WDR70: variants seen among roughly 807,000 people sequenced by gnomAD.
WDR70 encodes the protein WD repeat domain 70, also known as WD repeat-containing protein 70.
A neutral mutation model predicts 88.6 loss-of-function variants in WDR70; 53 were observed. The ratio of observed to expected loss-of-function variants is 0.60; its 90% CI spans 0.48 to 0.75. WDR70 has a LOEUF of 0.75. WDR70 is among the 30% of genes least tolerant of loss of function. The probability of loss-of-function intolerance (pLI) is 0.00; values close to 1 mark genes in which losing one functional copy is unlikely to be tolerated. For synonymous variants in WDR70, 280 were observed against 270.0 expected, an observed-to-expected ratio of 1.04 and a Z score of -0.36; for missense variants, 610 against 823.2, an observed-to-expected ratio of 0.74 and a Z score of 3.17.
chr5:37,665,001 C>T (rs761362973), intron 10 of WDR70, among the ~76,000 whole-genome samples: 20 of 152,162 alleles, frequency 1.3e-4, no homozygotes, highest in Admixed American at 5.9e-4. Flanking sequence ...ATGGTCTGTA[C>T]GAATATGTAG....
intron 7 of WDR70, among the ~76,000 whole-genome samples, chr5:37,468,594 G>A (rs1305443438): frequency 6.6e-6 from 1 of 151,604 alleles, no homozygotes; most frequent in Non-Finnish European, 1.5e-5. Context: ...TTTTTTTGTA[G>A]GGAAAAATTC....
intron 5 of WDR70, among the ~76,000 whole-genome samples, chr5:37,421,062 A>T (rs536258094): frequency 1.4e-4 from 22 of 152,356 alleles, no homozygotes; most frequent in African/African-American, 5.1e-4. Context: ...TGCTCCAGTG[A>T]AGTGGAGGTA....
chr5:37,523,580 C>G (rs1002125625), intron 9 of WDR70, among the ~76,000 whole-genome samples: 1 of 152,174 alleles, frequency 6.6e-6, no homozygotes, highest in South Asian at 2.1e-4. Context: ...CGCCTCTCCC[C>G]CTCCAAAGGA....
intron 10 of WDR70, among the ~76,000 whole-genome samples, chr5:37,665,212 A>G (rs1745802009): frequency 6.6e-6 from 1 of 152,012 alleles, no homozygotes; most frequent in Non-Finnish European, 1.5e-5. Flanking sequence ...TTCTCTTTAT[A>G]CCTCTTCAGT....
At chr5:37,695,021 GT>G (rs908876262) in intron 10 of WDR70, among the ~76,000 whole-genome samples, 2 of 152,064 alleles carry the variant, frequency 1.3e-5, no homozygotes, top group Non-Finnish European at 2.9e-5. Context: ...AAGAAAAGAG[GT>G]TTATTTGGCT....
At chr5:37,487,627 A>ATTTTTTTTTTT (rs70978825) in intron 8 of WDR70, among the ~76,000 whole-genome samples, 2 of 69,070 alleles carry the variant, frequency 2.9e-5, no homozygotes, top group African/African-American at 1.0e-4. Flanking sequence ...ATATATATGT[A>ATTTTTTTTTTT]TTTTTTTTTT....
intron 10 of WDR70, among the ~76,000 whole-genome samples, chr5:37,693,480 C>T (rs1746875611): frequency 6.6e-6 from 1 of 152,154 alleles, no homozygotes; most frequent in African/African-American, 2.4e-5. Flanking sequence ...GTTACAGTAA[C>T]CAAAACAGCA....
chr5:37,640,977 C>T (rs1307733947), intron 10 of WDR70, among the ~76,000 whole-genome samples: 2 of 152,228 alleles, frequency 1.3e-5, no homozygotes, highest in Non-Finnish European at 2.9e-5. Flanking sequence ...GCATAATCGT[C>T]AATTCACTTG....
intron 5 of WDR70, among the ~76,000 whole-genome samples, chr5:37,407,386 G>A (rs1749385009): frequency 6.6e-6 from 1 of 151,970 alleles, no homozygotes; most frequent in Non-Finnish European, 1.5e-5. Context: ...AATTAGCCGG[G>A]TGTAGTGAGC....
At chr5:37,599,339 G>A (rs1415862293) in intron 9 of WDR70, among the ~76,000 whole-genome samples, 5 of 152,132 alleles carry the variant, frequency 3.3e-5, no homozygotes, top group African/African-American at 1.2e-4. Flanking sequence ...TTTATTTGGT[G>A]CTCATGTTTT....
chr5:37,691,222 C>A (rs1410365604), intron 10 of WDR70, among the ~76,000 whole-genome samples: 2 of 152,148 alleles, frequency 1.3e-5, no homozygotes, highest in East Asian at 3.9e-4. Context: ...TAAAGCAAGT[C>A]CTTAGAGACC....
chr5:37,730,909 A>G (rs1166027548), intron 17 of WDR70, among the ~76,000 whole-genome samples: 1 of 152,170 alleles, frequency 6.6e-6, no homozygotes, highest in African/African-American at 2.4e-5. Context: ...ATTCCTTAGA[A>G]GCAGGCCCTG....
chr5:37,525,535 C>T (rs927947675), intron 9 of WDR70, among the ~76,000 whole-genome samples: 11 of 152,152 alleles, frequency 7.2e-5, no homozygotes, highest in African/African-American at 2.6e-4. Context: ...CAGGAAATAT[C>T]GTAAAATTGA....
In WDR70 at chr5:37,724,984, C is replaced by CA; in HGVS notation, c.1649dup (p.Leu551AlafsTer13). 1 of 1,613,700 alleles carries CA rather than the reference C, an allele frequency of 6.2e-7. No individual in the cohort carries two copies. ...GCCCCGCCAACGGAGTACAAGGAAACAGCTGGAGAAGGACAGACTGGATCC... is the reference window on the plus strand; with the variant it reads ...GCCCCGCCAACGGAGTACAAGGAAACAAGCTGGAGAAGGACAGACTGGATCC... On this transcript the variant is annotated frameshift_variant, in exon 16 of 18. Coordinates refer to ENST00000265107, the MANE Select transcript of WDR70 (RefSeq NM_018034.4). LOFTEE classifies it high-confidence loss of function.
chr5:37,395,789 T>A (rs1397301388), intron 4 of WDR70, among the ~76,000 whole-genome samples: 1 of 152,154 alleles, frequency 6.6e-6, no homozygotes, highest in East Asian at 1.9e-4. Flanking sequence ...TTAAAATTTT[T>A]AAATTAAATT....
chr5:37,530,479 C>T (rs1055482363), intron 9 of WDR70, among the ~76,000 whole-genome samples: 5 of 151,800 alleles, frequency 3.3e-5, no homozygotes, highest in African/African-American at 1.2e-4. Context: ...TTCAGTCTCG[C>T]TGCTTATTAT....
intron 9 of WDR70, among the ~76,000 whole-genome samples, chr5:37,570,456 G>A (rs1353500187): frequency 1.3e-5 from 2 of 152,114 alleles, no homozygotes; most frequent in African/African-American, 4.8e-5. Context: ...AGCTTTGAGA[G>A]TCATAAGTAT....
intron 10 of WDR70, among the ~76,000 whole-genome samples, chr5:37,680,306 T>C (rs1417469680): frequency 2.0e-5 from 3 of 152,204 alleles, no homozygotes; most frequent in Non-Finnish European, 4.4e-5. Context: ...TAGATGTTTG[T>C]CAGATGCATA....
chr5:37,436,798 T>C (rs1360588955), intron 5 of WDR70, among the ~76,000 whole-genome samples: 1 of 152,016 alleles, frequency 6.6e-6, no homozygotes, highest in Non-Finnish European at 1.5e-5. Flanking sequence ...ATGGTAAGTA[T>C]TAATACTTTG....
Sources: allele counts gnomAD v4.1 joint callset (sites outside exome capture counted in the v4.1 genomes callset), GRCh38; gene constraint gnomAD v4.1.1; transcripts MANE v1.5; gene names NCBI Gene and HGNC (gene_info 2026-07-23, HGNC 2026-07-21).